Variants in SERINC2 observed in about 807,000 individuals in gnomAD.
SERINC2 encodes tumor differentially expressed protein 2.
In SERINC2, 56 loss-of-function variants were observed where a neutral mutation model predicts 54.2. That is an observed-to-expected ratio of 1.03 (90% confidence interval 0.83 to 1.29). SERINC2 has a LOEUF of 1.29. SERINC2 is among the 50% of genes most tolerant of loss of function. The pLI is 0.00. For missense variants in SERINC2, 614 were observed against 607.4 expected (o/e 1.01, Z -0.12); for synonymous variants, 272 against 253.1 (o/e 1.07, Z -0.71).
Position 31,413,892 on chromosome 1 carries a change from T to G in SERINC2, c.39+588T>G. On this transcript the variant is annotated intron_variant, in intron 1 of 9. Coordinates refer to ENST00000373709, the MANE Select transcript of SERINC2 (RefSeq NM_178865.5). The surrounding 1 kb of genome is among the most constrained non-coding windows in gnomAD (Gnocchi z 5.0). ...CTGCTGTCTTCTGTCCGTCTGCCCG[T>G]CCGCCCGTCCGTCCCTCAGTCTCTC... 1 of 1,445,204 alleles carries G rather than the reference T, an allele frequency of 6.9e-7. No homozygotes were observed. 89.5% of individuals were successfully genotyped at this position (1,445,204 alleles called of 1,614,324 possible).
Position 31,425,848 on chromosome 1 carries a change from C to T in SERINC2, c.545C>T (p.Ala182Val), listed in dbSNP as rs148133354. Reference sequence around the variant, plus strand: ...CAGCTGGTGCTGCTCATCGACTTTGCGCACTCCTGGAACCAGCGGTGGCTG... The same window carrying T: ...CAGCTGGTGCTGCTCATCGACTTTGTGCACTCCTGGAACCAGCGGTGGCTG... ...LIQLVLLIDF[A>V]HSWNQRWLGK... Residue 182 changes from alanine to valine, a missense_variant, in exon 5 of 10, where the codon GCG becomes GTG. Physicochemically the swap from Ala to Val is moderately conservative, Grantham distance 64. Transcript: ENST00000373709. 2.5e-4 allele frequency: 401 copies of T among 1,613,566 alleles called. 1 individual carries two copies. The highest frequency in any genetic ancestry group is 6.7e-4 in the African/African-American group (50 of 75,056).
chr1:31,432,174 T>TAGGATGGTTAGGGTGGATAGGGTGGAC (rs1641307113), intron 8 of SERINC2, among the ~76,000 whole-genome samples: 1 of 24,320 alleles, frequency 4.1e-5, no homozygotes, highest in Non-Finnish European at 1.5e-4. Context: ...ATAGGGTGGA[T>TAGGATGGTTAGGGTGGATAGGGTGGAC]AGGGTGGATA....
At chr1:31,432,241 A>T (rs1641319229) in intron 8 of SERINC2, among the ~76,000 whole-genome samples, 1 of 127,700 alleles carries the variant, frequency 7.8e-6, no homozygotes, top group South Asian at 2.6e-4. Context: ...GGACCCACTG[A>T]CTCACAGCAA....
intron 2 of SERINC2, among the ~76,000 whole-genome samples, chr1:31,424,342 C>G (rs1640975549): frequency 6.6e-6 from 1 of 152,198 alleles, no homozygotes; most frequent in South Asian, 2.1e-4. Flanking sequence ...TCTCTGTTTT[C>G]CCAAGCATCT....
intron 8 of SERINC2, among the ~76,000 whole-genome samples, chr1:31,430,222 T>C (rs1641159423): frequency 6.6e-6 from 1 of 152,062 alleles, no homozygotes; most frequent in African/African-American, 2.4e-5. Context: ...TGTAAAACAC[T>C]TAGAAAGGGG....
At position 31,413,728 on chromosome 1, in the gene SERINC2, T is replaced by G; in HGVS notation, c.39+424T>G. On this transcript the variant is annotated intron_variant, in intron 1 of 9. Transcript: ENST00000373709. This position sits in a 1 kb window ranked among gnomAD's most constrained non-coding sequence, Gnocchi z 5.0. ...CTCTGTGTAGGTCGCCCGGGCCCCG[T>G]CCCTCCTGGCGAGTGCCCTGCCCTA... is the stretch of plus-strand genomic sequence containing the variant. 7.8e-7 allele frequency: 1 copy of G among 1,288,578 alleles called. No individual in the cohort carries two copies. The highest frequency in any genetic ancestry group is 9.8e-7 in the Non-Finnish European group (1 of 1,020,032). The allele number at this position is 1,288,578 out of a possible 1,614,324, so 79.8% of individuals were successfully genotyped here.
intron 6 of SERINC2, among the ~76,000 whole-genome samples, chr1:31,428,034 T>G (rs1641091278): frequency 6.9e-6 from 1 of 143,946 alleles, no homozygotes; most frequent in Non-Finnish European, 1.5e-5. Flanking sequence ...GCCTAAAATT[T>G]TTTTTGTTTT....
At chr1:31,424,583 TC>T in intron 2 of SERINC2, 99 bp from the exon 3 acceptor site, 3 of 1,033,440 alleles carry the variant, frequency 2.9e-6, no homozygotes, top group Non-Finnish European at 4.2e-6. Flanking sequence ...AGAGCCTCTT[TC>T]CTGGCCGGCC....
chr1:31,424,845 C>T lies in SERINC2; in HGVS notation c.364C>T (p.Arg122Trp), dbSNP rs183001614. Residue 122 changes from arginine (R) to tryptophan (W), a missense_variant, in exon 3 of 10, where the codon CGG becomes TGG. Coordinates refer to ENST00000373709, the MANE Select transcript of SERINC2 (RefSeq NM_178865.5). Reference sequence around the variant, plus strand: ...GCTCATGCTCTGCGTGAGCAGCAGCCGGGACCCCCGGGCTGCCATCCAGAA... The same window carrying T: ...GCTCATGCTCTGCGTGAGCAGCAGCTGGGACCCCCGGGCTGCCATCCAGAA... Reference protein sequence around the residue: ...TLLMLCVSSSRDPRAAIQNGF... With the variant: ...TLLMLCVSSSWDPRAAIQNGF... The T allele has an allele frequency of 5.9e-3, 9,551 of 1,611,598 alleles. 38 individuals carry two copies. The highest frequency in any genetic ancestry group is 7.5e-3 in the Non-Finnish European group (8,884 of 1,179,446).
intron 1 of SERINC2, chr1:31,414,893 A>C: frequency 9.6e-5 from 38 of 394,842 alleles, no homozygotes; most frequent in Non-Finnish European, 1.3e-4. Flanking sequence ...GGCCTTTCTC[A>C]CAATGCTGTT....
chr1:31,411,608 G>T (rs113213458), upstream of SERINC2, among the ~76,000 whole-genome samples: 2,486 of 152,196 alleles, frequency 0.016, 33 homozygotes, highest in Non-Finnish European at 0.022. Context: ...CCAGGTAGTG[G>T]GTTGGGGGTG....
chr1:31,433,422 G>C lies in SERINC2; in HGVS notation c.1232+237G>C, dbSNP rs536255708. ...AGACTGAACCGGGGAAGGCACAGCA[G>C]CTGGGGCTGGACCTGTACAGGGCAG... On this transcript the variant is annotated intron_variant, in intron 9 of 9. Transcript: ENST00000373709. 2.0e-5 allele frequency among the ~76,000 whole-genome samples: 3 copies of C among 152,304 alleles called. No homozygotes were observed. The East Asian group carries it at 5.8e-4, about 29-fold the overall frequency.
intron 4 of SERINC2, among the ~76,000 whole-genome samples, 155 bp from the exon 5 acceptor site, chr1:31,425,621 C>G (rs1178631682): frequency 6.6e-6 from 1 of 152,190 alleles, no homozygotes; most frequent in Non-Finnish European, 1.5e-5. Flanking sequence ...TGCCCCGACC[C>G]ATATCCTGCC....
chr1:31,417,567 A>G (rs1411669870), intron 1 of SERINC2, among the ~76,000 whole-genome samples: 3 of 152,196 alleles, frequency 2.0e-5, no homozygotes, highest in Non-Finnish European at 4.4e-5. Context: ...AAAATGTACC[A>G]TTTTAACAAT....
Position 31,413,427 on chromosome 1 carries a change from C to T in SERINC2, c.39+123C>T. 4.2e-6 allele frequency: 2 copies of T among 474,818 alleles called. No individual in the cohort carries two copies. Among genetic ancestry groups the T allele is most frequent in the East Asian group, 4.5e-5 (1 of 22,084 alleles). The allele number at this position is 474,818 out of a possible 1,614,324, so 29.4% of individuals were successfully genotyped here. A position where few individuals can be genotyped will look rare whatever the true frequency, so the allele number is the denominator to read the frequency against. On this transcript the variant is annotated intron_variant, in intron 1 of 9. Transcript: ENST00000373709. The surrounding 1 kb of genome is among the most constrained non-coding windows in gnomAD (Gnocchi z 5.0). ...CTTCCTGCAAACTTGTCTTTCTGGGCCGGTGCCCCGCCTGCTCGCCCTCCT... is the reference window on the plus strand; with the variant it reads ...CTTCCTGCAAACTTGTCTTTCTGGGTCGGTGCCCCGCCTGCTCGCCCTCCT...
chr1:31,422,452 A>G (rs2148516606), intron 1 of SERINC2, among the ~76,000 whole-genome samples: 1 of 152,310 alleles, frequency 6.6e-6, no homozygotes, highest in South Asian at 2.1e-4. Context: ...GGTGTGAGCC[A>G]CTGCACCTGG....
At chr1:31,432,815 G>A (rs965103280) in intron 8 of SERINC2, 152 bp from the exon 9 acceptor site, 3 of 616,562 alleles carry the variant, frequency 4.9e-6, no homozygotes, top group Non-Finnish European at 8.6e-6. Context: ...ATGGGAGTGG[G>A]GGTAGGGGTA....
chr1:31,417,852 CTTTTT>C (rs3050463), intron 1 of SERINC2, among the ~76,000 whole-genome samples: 6 of 95,724 alleles, frequency 6.3e-5, no homozygotes, highest in African/African-American at 8.4e-5. Context: ...AAATTTCATT[CTTTTT>C]TTTTTTTTTT....
chr1:31,423,092 C>T (rs761813103), intron 1 of SERINC2, among the ~76,000 whole-genome samples: 4 of 152,324 alleles, frequency 2.6e-5, no homozygotes, highest in Non-Finnish European at 5.9e-5. Flanking sequence ...AGACACTGTT[C>T]GAATTTCTAG....
Sources: allele counts gnomAD v4.1 joint callset (sites outside exome capture counted in the v4.1 genomes callset), GRCh38; gene constraint gnomAD v4.1.1; non-coding constraint Gnocchi (gnomAD v3.1); transcripts MANE v1.5; gene names NCBI Gene and HGNC (gene_info 2026-07-23, HGNC 2026-07-21).